Variants in CTNND2 observed in about 807,000 individuals in gnomAD.
CTNND2 encodes catenin delta-2.
Under a neutral mutation model 144.4 loss-of-function variants are expected in CTNND2, and 22 were observed. That is an observed-to-expected ratio of 0.15 (90% CI 0.11 to 0.22). The LOEUF is 0.22. Among genes scored for constraint, CTNND2 ranks in the 10% least tolerant of loss-of-function variants. The pLI is 1.00. For synonymous variants in CTNND2, 751 were observed against 695.6 expected, an observed-to-expected ratio of 1.08 and a Z score of -1.25; for missense variants, 1,353 against 1,618.8, an observed-to-expected ratio of 0.84 and a Z score of 2.82.
intron 11 of CTNND2, among the ~76,000 whole-genome samples, chr5:11,167,698 T>G (rs1326870591): frequency 7.3e-6 from 1 of 137,450 alleles, no homozygotes; most frequent in Non-Finnish European, 1.6e-5. Context: ...CATATTCACT[T>G]TTTTTTTTTT....
chr5:11,219,114 C>T (rs1033063837), intron 10 of CTNND2, among the ~76,000 whole-genome samples: 6 of 152,182 alleles, frequency 3.9e-5, no homozygotes, highest in African/African-American at 1.4e-4. Flanking sequence ...AATGTGGTTT[C>T]CCAACCAATG....
intron 2 of CTNND2, among the ~76,000 whole-genome samples, chr5:11,654,666 T>C (rs1782820277): frequency 6.6e-6 from 1 of 151,818 alleles, no homozygotes; most frequent in African/African-American, 2.4e-5. Flanking sequence ...AGGGTTTTTT[T>C]TTTTACATAC....
At chr5:11,675,385 C>A (rs1021484458) in intron 2 of CTNND2, among the ~76,000 whole-genome samples, 4 of 152,100 alleles carry the variant, frequency 2.6e-5, no homozygotes, top group African/African-American at 9.7e-5. Flanking sequence ...TGCAGACATT[C>A]TGAATCCAAG....
intron 9 of CTNND2, among the ~76,000 whole-genome samples, chr5:11,290,103 C>T (rs1241299024): frequency 6.6e-6 from 1 of 152,144 alleles, no homozygotes; most frequent in East Asian, 1.9e-4. Context: ...GGAATGTTTA[C>T]TTCATACTCC....
chr5:11,458,343 G>T lies in CTNND2; in HGVS notation c.288-46274C>A, dbSNP rs987959370. ...TGGATTGGGTAGTTTATACACACAG[G>T]ATGGGAGTGAAGTCCACACCAGCTG... On this transcript the variant is annotated intron_variant, in intron 3 of 21. Coordinates refer to ENST00000304623, the MANE Select transcript of CTNND2 (RefSeq NM_001332.4). 5.7e-4 allele frequency among the ~76,000 whole-genome samples: 87 copies of T among 152,230 alleles called. 1 individual carries two copies. The highest frequency in any genetic ancestry group is 2.0e-3 in the African/African-American group (85 of 41,466).
chr5:11,538,274 G>A lies in CTNND2; in HGVS notation c.287+26670C>T, dbSNP rs183107717. Among the ~76,000 whole-genome samples, 12 of 152,290 alleles carry A rather than the reference G, an allele frequency of 7.9e-5. 1 individual carries two copies. In the East Asian group the frequency reaches 1.9e-3, roughly 25 times the overall value. On this transcript the variant is annotated intron_variant, in intron 3 of 21. Transcript: ENST00000304623. ...GAGAGTGGGAAGAAGGAATAATAACGAATAAGGTATGGGTCTTTGCAGGAC... is the reference window on the plus strand; with the variant it reads ...GAGAGTGGGAAGAAGGAATAATAACAAATAAGGTATGGGTCTTTGCAGGAC...
intron 2 of CTNND2, among the ~76,000 whole-genome samples, chr5:11,691,307 G>A (rs751700160): frequency 9.2e-5 from 14 of 151,906 alleles, no homozygotes; most frequent in Non-Finnish European, 1.8e-4. Flanking sequence ...GGAGGTTGGA[G>A]CTTGCAGTGA....
chr5:11,607,378 C>T (rs930110407), intron 2 of CTNND2, among the ~76,000 whole-genome samples: 3 of 151,976 alleles, frequency 2.0e-5, no homozygotes, highest in Non-Finnish European at 2.9e-5. Context: ...CTGTATCTGA[C>T]ATATATAATA....
chr5:11,621,558 A>C (rs1291817800), intron 2 of CTNND2, among the ~76,000 whole-genome samples: 1 of 152,200 alleles, frequency 6.6e-6, no homozygotes, highest in African/African-American at 2.4e-5. Context: ...AAATACATTT[A>C]AATCATTTAA....
chr5:11,840,233 C>A (rs1280799124), intron 1 of CTNND2, among the ~76,000 whole-genome samples: 1 of 152,106 alleles, frequency 6.6e-6, no homozygotes, highest in African/African-American at 2.4e-5. Flanking sequence ...TGATGCCTGT[C>A]TTTCCAAAAC....
intron 9 of CTNND2, among the ~76,000 whole-genome samples, chr5:11,300,365 C>A (rs1749463210): frequency 6.6e-6 from 1 of 152,160 alleles, no homozygotes; most frequent in African/African-American, 2.4e-5. Context: ...TTCTGGTGGC[C>A]CTCTGGTCCT....
At chr5:11,269,220 C>G (rs1195284421) in intron 9 of CTNND2, among the ~76,000 whole-genome samples, 2 of 152,178 alleles carry the variant, frequency 1.3e-5, no homozygotes, top group African/African-American at 2.4e-5. Flanking sequence ...TGGGGGAAAG[C>G]GAGGCAGTGC....
At chr5:11,278,379 C>T (rs1057057116) in intron 9 of CTNND2, among the ~76,000 whole-genome samples, 5 of 152,184 alleles carry the variant, frequency 3.3e-5, no homozygotes, top group African/African-American at 9.7e-5. Flanking sequence ...CTCTTATGTG[C>T]CAGACACTGG....
intron 2 of CTNND2, among the ~76,000 whole-genome samples, chr5:11,711,320 G>C (rs890317223): frequency 6.6e-6 from 1 of 152,046 alleles, no homozygotes; most frequent in Non-Finnish European, 1.5e-5. Flanking sequence ...GCCTCCCAAA[G>C]TGCTAGAATT....
Position 11,269,635 on chromosome 5 carries a change from C to A in CTNND2, c.1629-32812G>T, listed in dbSNP as rs145458436. ...ATCAGTGCTTCTGGCTCCACAAAGA[C>A]CACATGAATAGGAAGTTCACAATAG... On this transcript the variant is annotated intron_variant, in intron 9 of 21. Transcript: ENST00000304623. Among the ~76,000 whole-genome samples the A allele has an allele frequency of 1.1e-4, 17 of 152,260 alleles. 1 individual carries two copies. The highest frequency in any genetic ancestry group is 5.9e-4 in the Admixed American group (9 of 15,300).
In CTNND2 at chr5:11,267,243, T is replaced by G. The variant is rs372823887; in HGVS notation, c.1629-30420A>C. Among the ~76,000 whole-genome samples, 7 of 152,296 alleles carry G rather than the reference T, an allele frequency of 4.6e-5. No individual in the cohort carries two copies. In the East Asian group the frequency reaches 9.7e-4, roughly 21 times the overall value. ...CATGCTTCTGCAGGAGGGGACCTGA[T>G]GGATTCTCCCCACGTGGAGCTAACG... On this transcript the variant is annotated intron_variant, in intron 9 of 21. Transcript: ENST00000304623.
intron 1 of CTNND2, among the ~76,000 whole-genome samples, chr5:11,884,542 G>C (rs1001911403): frequency 2.0e-5 from 3 of 152,068 alleles, no homozygotes; most frequent in African/African-American, 7.2e-5. Flanking sequence ...CTATATATCT[G>C]TTTTGGTACC....
At chr5:11,794,427 T>C (rs1483763600) in intron 1 of CTNND2, among the ~76,000 whole-genome samples, 1 of 152,232 alleles carries the variant, frequency 6.6e-6, no homozygotes, top group African/African-American at 2.4e-5. Context: ...GCGCAGATGC[T>C]ACATGCTGTA....
chr5:10,996,520 CG>C (rs1319374751), intron 18 of CTNND2, among the ~76,000 whole-genome samples: 1 of 151,874 alleles, frequency 6.6e-6, no homozygotes, highest in Non-Finnish European at 1.5e-5. Context: ...GGAGGGGGCT[CG>C]GGGGGCTGTG....
Sources: allele counts gnomAD v4.1 joint callset (sites outside exome capture counted in the v4.1 genomes callset), GRCh38; gene constraint gnomAD v4.1.1; transcripts MANE v1.5; gene names NCBI Gene and HGNC (gene_info 2026-07-23, HGNC 2026-07-21).